GALNT3: variants seen among roughly 807,000 people sequenced by gnomAD.
The protein encoded by GALNT3 is GalNAc transferase 3.
Under a neutral mutation model 69.8 loss-of-function variants are expected in GALNT3, and 51 were observed. The observed-to-expected ratio is 0.73, with a 90% CI of 0.58 to 0.92. GALNT3 has a LOEUF of 0.92. Ranked by LOEUF, GALNT3 falls within the 40% of genes least tolerant of loss-of-function variation. The pLI, the probability that GALNT3 is intolerant of heterozygous loss-of-function variation, is 0.00. For missense variants in GALNT3, 711 were observed against 760.0 expected (o/e 0.94, Z 0.76); for synonymous variants, 265 against 248.5 (o/e 1.07, Z -0.63).
chr2:165,766,674 C>T (rs1431039624), intron 2 of GALNT3, among the ~76,000 whole-genome samples: 2 of 59,678 alleles, frequency 3.4e-5, no homozygotes, highest in Non-Finnish European at 5.7e-5. Context: ...GAGATAAAAG[C>T]CCATCACCCT....
At chr2:165,789,395 C>G (rs901860759) in intron 1 of GALNT3, among the ~76,000 whole-genome samples, 2 of 152,160 alleles carry the variant, frequency 1.3e-5, no homozygotes, top group African/African-American at 4.8e-5. Context: ...TCCCAAAGAC[C>G]CTACTCCTAA....
intron 7 of GALNT3, 72 bp from the exon 8 acceptor site, chr2:165,755,135 T>C (rs1688424395): frequency 1.5e-5 from 20 of 1,323,982 alleles, no homozygotes; most frequent in Middle Eastern, 2.5e-4. Flanking sequence ...AATACTCTTA[T>C]TTGTATTTCT....
chr2:165,792,626 T>G (rs903447890), intron 1 of GALNT3, among the ~76,000 whole-genome samples: 15 of 152,160 alleles, frequency 9.9e-5, no homozygotes, highest in African/African-American at 3.6e-4. Flanking sequence ...AAAAATATTT[T>G]TAAAATGTGT....
rs755065496 is a variant in GALNT3 at position 165,748,939 on chromosome 2, A to G, written c.1780-36T>C. ...AGGAAACAACAGACATTAAATTCCA[A>G]GACTCATAGTTAAGTGACAAATATG... is the stretch of plus-strand genomic sequence containing the variant. On this transcript the variant is annotated intron_variant, in intron 10 of 10. Coordinates refer to ENST00000392701, the MANE Select transcript of GALNT3 (RefSeq NM_004482.4). 3.8e-6 allele frequency: 6 copies of G among 1,587,882 alleles called. No individual in the cohort carries two copies. In the East Asian group the frequency reaches 1.3e-4, roughly 36 times the overall value.
At chr2:165,775,594 T>C (rs965385319) in intron 1 of GALNT3, among the ~76,000 whole-genome samples, 1 of 152,178 alleles carries the variant, frequency 6.6e-6, no homozygotes, top group African/African-American at 2.4e-5. Context: ...AGGCTTCCAT[T>C]AATGCTGAAT....
Position 165,759,467 on chromosome 2 carries a change from A to G in GALNT3, c.942T>C (p.Phe314=), listed in dbSNP as rs370969667. Residue 314 remains phenylalanine, a synonymous_variant, in exon 5 of 11, where the codon TTT becomes TTC. Transcript: ENST00000392701. ...CATAAGGAGAAGGTTTGTTGAATTCAAACGTGTTCAGATCTATGGATGCAA... is the reference window on the plus strand; with the variant it reads ...CATAAGGAGAAGGTTTGTTGAATTCGAACGTGTTCAGATCTATGGATGCAA... The part of the protein sequence containing the change: ...PDIASIDLNT[F]EFNKPSPYGS... 6 of 1,613,942 alleles carry G rather than the reference A, an allele frequency of 3.7e-6. No individual in the cohort carries two copies. In the African/African-American group the frequency reaches 8.0e-5, roughly 22 times the overall value.
In GALNT3 at chr2:165,750,030, A is replaced by G. The variant is rs549196682; in HGVS notation, c.1627-136T>C. ...AAATAATACAATAAAAATAGTTATT[A>G]GAAACATAAGCTGAGTTTTTGTGAT... On this transcript the variant is annotated intron_variant, in intron 9 of 10. Coordinates refer to ENST00000392701, the MANE Select transcript of GALNT3 (RefSeq NM_004482.4). 96 of 834,688 alleles carry G rather than the reference A, an allele frequency of 1.2e-4. No individual in the cohort carries two copies. In the Middle Eastern group the frequency reaches 1.4e-3, roughly 12 times the overall value. 51.7% of individuals were successfully genotyped at this position (834,688 alleles called of 1,614,324 possible).
At chr2:165,791,290 T>C (rs1683343542) in intron 1 of GALNT3, among the ~76,000 whole-genome samples, 1 of 151,886 alleles carries the variant, frequency 6.6e-6, no homozygotes, top group Non-Finnish European at 1.5e-5. Flanking sequence ...TATACGCATG[T>C]ATGAGACAGA....
At chr2:165,769,405 CAAA>C (rs1301217090) in intron 2 of GALNT3, among the ~76,000 whole-genome samples, 3 of 44,976 alleles carry the variant, frequency 6.7e-5, no homozygotes, top group Admixed American at 3.5e-4. Flanking sequence ...GACTCCATCT[CAAA>C]ATAATAATAA....
intron 7 of GALNT3, 138 bp from the exon 8 acceptor site, chr2:165,755,201 T>G: frequency 1.2e-6 from 1 of 809,274 alleles, no homozygotes; most frequent in Non-Finnish European, 2.0e-6. Context: ...TCAACAGCCT[T>G]CATCATTCAT....
chr2:165,770,723 T>C lies in GALNT3; in HGVS notation c.-23A>G. 1 of 1,598,886 alleles carries C rather than the reference T, an allele frequency of 6.3e-7. No individual in the cohort carries two copies. Among genetic ancestry groups the C allele is most frequent in the Non-Finnish European group, 8.5e-7 (1 of 1,178,870 alleles). ...CATTCTGACATTAAAAGCTTGTCAC[T>C]TGACAAATAACAGTTATTTCTTCTT... On this transcript the variant is annotated 5_prime_UTR_variant, in exon 2 of 11. Coordinates refer to ENST00000392701, the MANE Select transcript of GALNT3 (RefSeq NM_004482.4).
chr2:165,764,760 C>T (rs1375697633), intron 3 of GALNT3, 124 bp downstream of exon 3: 5 of 945,316 alleles, frequency 5.3e-6, no homozygotes, highest in African/African-American at 4.9e-5. Flanking sequence ...TTCACCATAC[C>T]CACTATCCAA....
chr2:165,770,226 A>G lies in GALNT3; in HGVS notation c.475T>C (p.Ser159Pro). 1 of 1,614,038 alleles carries G rather than the reference A, an allele frequency of 6.2e-7. No individual in the cohort carries two copies. Among genetic ancestry groups the G allele is most frequent in the Non-Finnish European group, 8.5e-7 (1 of 1,180,002 alleles). ...CFNAFASDRI[S>P]LHRDLGPDTR... ...TCTGGTCCAAGATCTCGGTGCAAAG[A>G]AATCCTGTCACTTGCGAAAGCATTA... The change falls in exon 2 of 11, where the codon TCT (serine) becomes CCT (proline). Residue 159 changes from serine (S) to proline (P), a missense_variant. By Grantham distance (74) the Ser-to-Pro change is moderately conservative. Transcript: ENST00000392701.
intron 10 of GALNT3, 119 bp from the exon 11 acceptor site, chr2:165,749,022 C>T (rs1324585654): frequency 1.1e-5 from 12 of 1,059,130 alleles, no homozygotes; most frequent in Non-Finnish European, 1.7e-5. Context: ...CTAAGGTGAG[C>T]CATGTCTGAT....
At chr2:165,780,655 G>A (rs548943257) in intron 1 of GALNT3, among the ~76,000 whole-genome samples, 2 of 148,786 alleles carry the variant, frequency 1.3e-5, no homozygotes, top group African/African-American at 2.5e-5. Flanking sequence ...TTTTGTTGTT[G>A]TTGTTGTTGT....
chr2:165,748,652 T>G lies in GALNT3; in HGVS notation c.*129A>C, dbSNP rs1688301759. 2 of 845,580 alleles carry G rather than the reference T, an allele frequency of 2.4e-6. No homozygotes were observed. The highest frequency in any genetic ancestry group is 3.7e-6 in the Non-Finnish European group (2 of 540,390). The allele number at this position is 845,580 out of a possible 1,614,324, so 52.4% of individuals were successfully genotyped here. A position where few individuals can be genotyped will look rare whatever the true frequency, so the allele number is the denominator to read the frequency against. Reference sequence around the variant, plus strand: ...TAGTAGTGCTACATAAAGATATAAATAAGAAAAATGCACTTGGAATAAGTT... The same window carrying G: ...TAGTAGTGCTACATAAAGATATAAAGAAGAAAAATGCACTTGGAATAAGTT... On this transcript the variant is annotated 3_prime_UTR_variant, in exon 11 of 11. Transcript: ENST00000392701.
In GALNT3 at chr2:165,770,308, G is replaced by T. The variant is rs1355378914; in HGVS notation, c.393C>A (p.Thr131=). 3.1e-6 allele frequency: 5 copies of T among 1,614,046 alleles called. No individual in the cohort carries two copies. Among genetic ancestry groups the T allele is most frequent in the Non-Finnish European group, 4.2e-6 (5 of 1,180,014 alleles). The change falls in exon 2 of 11, where the codon ACC becomes ACA. Residue 131 remains threonine (T), a synonymous_variant. Transcript: ENST00000392701. The part of the protein sequence containing the change: ...PGASGKAFKT[T]NLSVEEQKEK... ...CCTTTTGCTCTTCAACACTTAAATT[G>T]GTTGTCTTGAATGCTTTACCAGAAG...
intron 1 of GALNT3, among the ~76,000 whole-genome samples, chr2:165,774,137 T>C (rs1447558458): frequency 6.6e-6 from 1 of 152,186 alleles, no homozygotes; most frequent in Non-Finnish European, 1.5e-5. Flanking sequence ...GTTGATGAAC[T>C]ACAACCTCAT....
chr2:165,781,967 T>A (rs559237377), intron 1 of GALNT3, among the ~76,000 whole-genome samples: 1 of 152,240 alleles, frequency 6.6e-6, no homozygotes, highest in South Asian at 2.1e-4. Flanking sequence ...CCAGGGGCCA[T>A]GTGGTTTGAT....
Sources: gnomAD v4.1 joint callset for allele counts (sites outside exome capture counted in the v4.1 genomes callset) on GRCh38, gnomAD v4.1.1 for gene constraint, MANE v1.5 for transcripts, NCBI Gene and HGNC (gene_info 2026-07-23, HGNC 2026-07-21) for gene names.